MGAT5B: variants seen among roughly 807,000 people sequenced by gnomAD.
The protein encoded by MGAT5B is N-acetylglucosaminyl-transferase Vb.
A neutral mutation model predicts 95.1 loss-of-function variants in MGAT5B; 54 were observed. The ratio of observed to expected loss-of-function variants is 0.57; its 90% CI spans 0.46 to 0.71. The LOEUF is 0.71. MGAT5B is among the 30% of genes least tolerant of loss of function. The pLI is 0.00. For missense variants in MGAT5B, 935 were observed against 1,088.6 expected (o/e 0.86, Z 1.99); for synonymous variants, 464 against 451.0 (o/e 1.03, Z -0.36).
intron 2 of MGAT5B, among the ~76,000 whole-genome samples, chr17:76,877,113 G>T (rs1967220355): frequency 6.6e-6 from 1 of 152,036 alleles, no homozygotes; most frequent in South Asian, 2.1e-4. Flanking sequence ...ATCACCTGAG[G>T]TCAGGAGTTC....
chr17:76,897,659 CACTTTCTTTCTTTCTTTCTTTCTT>C (rs775262048), intron 3 of MGAT5B, among the ~76,000 whole-genome samples: 8,945 of 108,644 alleles, frequency 0.082, 542 homozygotes, highest in Admixed American at 0.14. Context: ...CAAGTAAGGC[CACTTTCTTTCTTTCTTTCTTTCTT>C]TCTTTCTTTC....
At chr17:76,894,900 G>T (rs1968011705) in intron 3 of MGAT5B, among the ~76,000 whole-genome samples, 1 of 151,346 alleles carries the variant, frequency 6.6e-6, no homozygotes, top group Non-Finnish European at 1.5e-5. Context: ...AAAAAGAACA[G>T]ATTTTAAATG....
chr17:76,937,901 T>C, intron 12 of MGAT5B, 87 bp from the exon 13 acceptor site: 1 of 1,525,486 alleles, frequency 6.6e-7, no homozygotes, highest in African/African-American at 1.4e-5. Context: ...CCACATCTTC[T>C]GACTTCCAGA....
In MGAT5B at chr17:76,948,817, C is replaced by T. The variant is rs766038552; in HGVS notation, c.2358C>T (p.Ala786=). The T allele has an allele frequency of 1.1e-5, 17 of 1,603,856 alleles. No homozygotes were observed. The highest frequency in any genetic ancestry group is 1.4e-5 in the Non-Finnish European group (17 of 1,176,346). Residue 786 remains alanine (A), a synonymous_variant, in exon 18 of 18, where the codon GCC becomes GCT. Coordinates refer to ENST00000569840, the MANE Select transcript of MGAT5B (RefSeq NM_001199172.2). ...PCRDFRKGQV[A]LCQGCL ...GCGACTTCCGCAAGGGCCAGGTGGC[C>T]TTGTGCCAGGGCTGTCTGTGAATCC...
intron 2 of MGAT5B, among the ~76,000 whole-genome samples, chr17:76,875,853 G>A (rs1320327982): frequency 1.3e-5 from 2 of 151,784 alleles, no homozygotes; most frequent in Non-Finnish European, 2.9e-5. Context: ...ACCTAGGAGT[G>A]GAGATTCTAC....
intron 8 of MGAT5B, chr17:76,913,836 T>C (rs897810355): frequency 6.6e-6 from 3 of 455,790 alleles, no homozygotes; most frequent in Non-Finnish European, 1.3e-5. Context: ...TGAGGCTGGG[T>C]GGGGCGGCTC....
chr17:76,878,537 C>T (rs1967282073), intron 2 of MGAT5B, among the ~76,000 whole-genome samples: 1 of 152,126 alleles, frequency 6.6e-6, no homozygotes. Flanking sequence ...TGCAGTGGTG[C>T]AATCGTGGCT....
intron 3 of MGAT5B, among the ~76,000 whole-genome samples, chr17:76,890,961 CTTTTTTTTTT>C (rs150133278): frequency 9.0e-6 from 1 of 111,648 alleles, no homozygotes; most frequent in Non-Finnish European, 1.7e-5. Context: ...CTCTGGGGGC[CTTTTTTTTTT>C]TTTTTTTTTT....
At position 76,938,211 on chromosome 17, in the gene MGAT5B, C is replaced by A; in HGVS notation, c.1584+68C>A. ...CAGACACTGAGGTCACCACCCATGC[C>A]TGCCACCACCACTCAGGCCCCTTCC... On this transcript the variant is annotated intron_variant, in intron 13 of 17. Coordinates refer to ENST00000569840, the MANE Select transcript of MGAT5B (RefSeq NM_001199172.2). The surrounding 1 kb of genome is among the most constrained non-coding windows in gnomAD (Gnocchi z 4.3). The A allele has an allele frequency of 6.4e-7, 1 of 1,573,622 alleles. No individual in the cohort carries two copies.
In MGAT5B at chr17:76,918,287, G is replaced by A. The variant is rs1260285070; in HGVS notation, c.1026-6679G>A. On this transcript the variant is annotated intron_variant, in intron 8 of 17. Transcript: ENST00000569840. This position sits in a 1 kb window ranked among gnomAD's most constrained non-coding sequence, Gnocchi z 5.1. ...CCAGACTGTGCCTCCATCTGCCTTT[G>A]GACTCCCTTTTCCTCTGAGCCAGGG... Among the ~76,000 whole-genome samples, 1 of 152,054 alleles carries A rather than the reference G, an allele frequency of 6.6e-6. No homozygotes were observed. Among genetic ancestry groups the A allele is most frequent in the Non-Finnish European group, 1.5e-5 (1 of 68,000 alleles).
At chr17:76,944,934 C>G (rs532854653) in intron 15 of MGAT5B, among the ~76,000 whole-genome samples, 1 of 152,292 alleles carries the variant, frequency 6.6e-6, no homozygotes, top group South Asian at 2.1e-4. Context: ...TGGCTAAAGA[C>G]GGGAAAGCGG....
In MGAT5B at chr17:76,916,151, C is replaced by T. The variant is rs764559969; in HGVS notation, c.1026-8815C>T. 3.4e-5 allele frequency among the ~76,000 whole-genome samples: 5 copies of T among 148,562 alleles called. No individual in the cohort carries two copies. In the South Asian group the frequency reaches 6.2e-4, roughly 19 times the overall value. ...GGAGAGACCCTTCCTTGCAAGGCCT[C>T]GTCTCCCCTTATGCTCCACATAGCT... is the stretch of plus-strand genomic sequence containing the variant. On this transcript the variant is annotated intron_variant, in intron 8 of 17. Transcript: ENST00000569840. The surrounding 1 kb of genome is among the most constrained non-coding windows in gnomAD (Gnocchi z 5.3).
In MGAT5B at chr17:76,902,599, C is replaced by T. The variant is rs755618936; in HGVS notation, c.374C>T (p.Ala125Val). The T allele has an allele frequency of 3.3e-5, 53 of 1,603,478 alleles. No homozygotes were observed. The highest frequency in any genetic ancestry group is 4.5e-5 in the South Asian group (4 of 88,978). The change falls in exon 4 of 18, where the codon GCC (alanine) becomes GTC (valine). Residue 125 changes from alanine to valine, a missense_variant. By Grantham distance (64) the Ala-to-Val change is moderately conservative. Transcript: ENST00000569840. ...AGLMERIQAI[A>V]QNVSDIAVKV... is the part of the protein sequence containing the mutation. ...CTCATGGAGCGGATCCAGGCTATTG[C>T]CCAGAACGTCTCCGACATCGCTGTG... is the stretch of plus-strand genomic sequence containing the variant.
At chr17:76,932,796 C>T (rs778002338) in intron 11 of MGAT5B, 21 bp downstream of exon 11, 20 of 1,612,258 alleles carry the variant, frequency 1.2e-5, no homozygotes, top group South Asian at 7.7e-5. Flanking sequence ...CCCCTGCGCG[C>T]GGGAAGCACC....
Position 76,872,760 on chromosome 17 carries a change from T to C in MGAT5B, c.69-91T>C. On this transcript the variant is annotated intron_variant, in intron 1 of 17. Transcript: ENST00000569840. ...TTGCTTCCTTCACTCATGCACTCAT[T>C]CGTAAAACATTTGTGCAGCCGGTAC... 1.2e-6 allele frequency: 2 copies of C among 1,608,492 alleles called. No homozygotes were observed. Among genetic ancestry groups the C allele is most frequent in the Non-Finnish European group, 1.7e-6 (2 of 1,177,310 alleles).
chr17:76,908,137 T>G (rs960793380), intron 8 of MGAT5B, among the ~76,000 whole-genome samples: 37 of 152,294 alleles, frequency 2.4e-4, no homozygotes, highest in Middle Eastern at 6.8e-3. Context: ...TATGGTTTTT[T>G]GGGGAGTAAC....
At chr17:76,910,265 C>T (rs1968687056) in intron 8 of MGAT5B, among the ~76,000 whole-genome samples, 1 of 152,222 alleles carries the variant, frequency 6.6e-6, no homozygotes, top group African/African-American at 2.4e-5. Context: ...GCACCCACTG[C>T]TGCACACTAA....
chr17:76,914,497 C>T lies in MGAT5B; in HGVS notation c.1025+8310C>T, dbSNP rs1447393640. Among the ~76,000 whole-genome samples the T allele has an allele frequency of 2.0e-5, 3 of 152,216 alleles. No individual in the cohort carries two copies. Among genetic ancestry groups the T allele is most frequent in the Non-Finnish European group, 4.4e-5 (3 of 68,036 alleles). On this transcript the variant is annotated intron_variant, in intron 8 of 17. Coordinates refer to ENST00000569840, the MANE Select transcript of MGAT5B (RefSeq NM_001199172.2). This position sits in a 1 kb window ranked among gnomAD's most constrained non-coding sequence, Gnocchi z 5.1. Reference sequence around the variant, plus strand: ...TGGAAGTCTGAAATCAAGACTCCCTCTGAAGGCACTAGGGAAGCGTCAGTC... The same window carrying T: ...TGGAAGTCTGAAATCAAGACTCCCTTTGAAGGCACTAGGGAAGCGTCAGTC...
chr17:76,892,711 G>A (rs1967919693), intron 3 of MGAT5B, among the ~76,000 whole-genome samples: 1 of 152,248 alleles, frequency 6.6e-6, no homozygotes, highest in Non-Finnish European at 1.5e-5. Context: ...TCCTCTCCCA[G>A]TGAAGCTGTG....
Sources: allele counts gnomAD v4.1 joint callset (sites outside exome capture counted in the v4.1 genomes callset), GRCh38; gene constraint gnomAD v4.1.1; non-coding constraint Gnocchi (gnomAD v3.1); transcripts MANE v1.5; gene names NCBI Gene and HGNC (gene_info 2026-07-23, HGNC 2026-07-21).